ASTN2: variants seen among roughly 807,000 people sequenced by gnomAD.
ASTN2 encodes the protein astrotactin-2.
In ASTN2, 54 loss-of-function variants were observed where a neutral mutation model predicts 139.8. The ratio of observed to expected loss-of-function variants is 0.39; its 90% CI spans 0.31 to 0.48. ASTN2 has a LOEUF of 0.48. ASTN2 is among the 20% of genes least tolerant of loss of function. ASTN2 has a pLI of 0.95. For synonymous variants in ASTN2, 756 were observed against 719.5 expected, an observed-to-expected ratio of 1.05 and a Z score of -0.81; for missense variants, 1,565 against 1,725.1, an observed-to-expected ratio of 0.91 and a Z score of 1.64.
intron 19 of ASTN2, among the ~76,000 whole-genome samples, chr9:116,498,607 A>G (rs530941999): frequency 4.6e-5 from 7 of 152,288 alleles, no homozygotes; most frequent in Middle Eastern, 3.4e-3. Context: ...CAAAAAAAAA[A>G]AAGGAGGATG....
At chr9:116,798,265 T>C (rs1201111082) in intron 13 of ASTN2, among the ~76,000 whole-genome samples, 1 of 152,242 alleles carries the variant, frequency 6.6e-6, no homozygotes, top group African/African-American at 2.4e-5. Flanking sequence ...AGCAAGGTTC[T>C]GTCCCAGACA....
chr9:116,686,891 C>T, intron 16 of ASTN2: 1 of 1,525,746 alleles, frequency 6.6e-7, no homozygotes, highest in Non-Finnish European at 8.8e-7. Context: ...TCCCGGTTCT[C>T]GACTTCCCCA....
rs1349918772 is a variant in ASTN2, at chr9:117,414,857, G to T, written c.82C>A (p.Pro28Thr). The T allele has an allele frequency of 3.7e-6, 4 of 1,092,214 alleles. No homozygotes were observed. Among genetic ancestry groups the T allele is most frequent in the Admixed American group, 4.8e-5 (1 of 20,636 alleles). 67.7% of individuals were successfully genotyped at this position (1,092,214 alleles called of 1,614,324 possible). Residue 28 changes from proline (P) to threonine (T), a missense_variant, in exon 1 of 23, where the codon CCG becomes ACG. Pro to Thr is a conservative substitution (Grantham distance 38, BLOSUM62 -1). Transcript: ENST00000313400. This position sits in a 1 kb window ranked among gnomAD's most constrained non-coding sequence, Gnocchi z 4.2. ...GRPRLCFHPG[P>T]PPLLPLLLLF... is the part of the protein sequence containing the mutation. ...AGCAGCAGCGGCAGCAGTGGCGGCG[G>T]CCCCGGGTGGAAGCAGAGCCTCGGC... is the stretch of plus-strand genomic sequence containing the variant.
rs1837588278 is a variant in ASTN2, at chr9:117,013,474, A to ATG, written c.1424-5216_1424-5215insCA. Among the ~76,000 whole-genome samples, 4 of 35,114 alleles carry ATG rather than the reference A, an allele frequency of 1.1e-4. No homozygotes were observed. The Admixed American group carries it at 2.0e-3, about 17-fold the overall frequency. 23.0% of individuals were successfully genotyped at this position (35,114 alleles called of 152,430 possible). ...CATGTTTCCTTATTTTTAAATATATATATATATATATATTTTTTTTTTTCT... is the reference window on the plus strand; with the variant it reads ...CATGTTTCCTTATTTTTAAATATATATGTATATATATATATTTTTTTTTTTCT... On this transcript the variant is annotated intron_variant, in intron 6 of 22. Transcript: ENST00000313400.
intron 3 of ASTN2, among the ~76,000 whole-genome samples, chr9:117,148,874 G>C (rs1830262644): frequency 6.6e-6 from 1 of 152,118 alleles, no homozygotes; most frequent in Non-Finnish European, 1.5e-5. Context: ...TGAGTTAGAG[G>C]AATATGCTAC....
chr9:116,963,397 A>T (rs1835921708), intron 10 of ASTN2, among the ~76,000 whole-genome samples: 1 of 152,174 alleles, frequency 6.6e-6, no homozygotes, highest in South Asian at 2.1e-4. Flanking sequence ...ATCAGAGGGT[A>T]TTATGGCCAG....
chr9:117,099,511 C>T (rs1220053638), intron 4 of ASTN2, among the ~76,000 whole-genome samples: 1 of 152,186 alleles, frequency 6.6e-6, no homozygotes, highest in African/African-American at 2.4e-5. Flanking sequence ...AGAAAAGTCA[C>T]CAGGAAATTC....
intron 1 of ASTN2, among the ~76,000 whole-genome samples, chr9:117,392,657 T>G (rs545663089): frequency 1.7e-4 from 26 of 152,336 alleles, no homozygotes; most frequent in African/African-American, 5.5e-4. Context: ...CTCAAATGCT[T>G]TTCATTGTCA....
intron 1 of ASTN2, among the ~76,000 whole-genome samples, chr9:117,348,481 C>T (rs1274992951): frequency 6.6e-6 from 1 of 152,114 alleles, no homozygotes. Flanking sequence ...AGAGGGTGTT[C>T]TATCGTTAAA....
At chr9:116,788,332 T>C (rs1348718575) in intron 13 of ASTN2, among the ~76,000 whole-genome samples, 1 of 152,232 alleles carries the variant, frequency 6.6e-6, no homozygotes, top group East Asian at 1.9e-4. Context: ...TTTTTTAATA[T>C]TCTCATCACA....
chr9:116,578,681 T>A (rs1348394177), intron 19 of ASTN2, among the ~76,000 whole-genome samples: 1 of 146,252 alleles, frequency 6.8e-6, no homozygotes, highest in African/African-American at 2.5e-5. Context: ...TACTGTACAG[T>A]ACCAATCCCT....
At chr9:117,286,245 T>C (rs1834446756) in intron 2 of ASTN2, among the ~76,000 whole-genome samples, 1 of 151,136 alleles carries the variant, frequency 6.6e-6, no homozygotes, top group Admixed American at 6.6e-5. Context: ...AAAAGCAAAA[T>C]GAAAAAAACA....
At chr9:116,857,897 A>G (rs1387095004) in intron 11 of ASTN2, among the ~76,000 whole-genome samples, 2 of 152,190 alleles carry the variant, frequency 1.3e-5, no homozygotes, top group Admixed American at 6.5e-5. Context: ...GAGACTTCTG[A>G]GGCTGGGGAC....
chr9:117,376,400 A>T (rs1392980557), intron 1 of ASTN2, among the ~76,000 whole-genome samples: 1 of 152,222 alleles, frequency 6.6e-6, no homozygotes, highest in Non-Finnish European at 1.5e-5. Context: ...TGGCACTTTC[A>T]AATGGATAAA....
chr9:117,196,390 G>T (rs1053827135), intron 3 of ASTN2, among the ~76,000 whole-genome samples: 2 of 152,060 alleles, frequency 1.3e-5, no homozygotes, highest in Admixed American at 1.3e-4. Flanking sequence ...ATTACAAATG[G>T]CTTAATGAGG....
At chr9:116,455,537 C>T (rs1247979039) in intron 20 of ASTN2, among the ~76,000 whole-genome samples, 1 of 151,842 alleles carries the variant, frequency 6.6e-6, no homozygotes, top group Non-Finnish European at 1.5e-5. Context: ...AAACATAAGA[C>T]TATTCTCATG....
chr9:117,129,737 T>C (rs891775950), intron 4 of ASTN2, among the ~76,000 whole-genome samples: 1 of 152,158 alleles, frequency 6.6e-6, no homozygotes, highest in South Asian at 2.1e-4. Flanking sequence ...AACCATGTTG[T>C]TCCTATATGT....
intron 5 of ASTN2, among the ~76,000 whole-genome samples, chr9:117,045,080 C>T (rs1838692280): frequency 6.6e-6 from 1 of 152,022 alleles, no homozygotes; most frequent in Admixed American, 6.6e-5. Flanking sequence ...AAAGTGTGGC[C>T]TTTGGGGTCA....
At chr9:117,010,432 G>A (rs571133967) in intron 6 of ASTN2, among the ~76,000 whole-genome samples, 126 of 152,156 alleles carry the variant, frequency 8.3e-4, no homozygotes, top group African/African-American at 3.0e-3. Context: ...TGTGTCCCAG[G>A]GCTGAGTTTG....
Sources: allele counts gnomAD v4.1 joint callset (sites outside exome capture counted in the v4.1 genomes callset), GRCh38; gene constraint gnomAD v4.1.1; non-coding constraint Gnocchi (gnomAD v3.1); transcripts MANE v1.5; gene names NCBI Gene and HGNC (gene_info 2026-07-23, HGNC 2026-07-21).